SEL1L: variants seen among roughly 807,000 people sequenced by gnomAD.
The protein encoded by SEL1L is protein sel-1 homolog 1.
Under a neutral mutation model 109.8 loss-of-function variants are expected in SEL1L, and 52 were observed. That is an observed-to-expected ratio of 0.47 (90% CI 0.38 to 0.60). SEL1L has a LOEUF of 0.60. SEL1L is among the 20% of genes least tolerant of loss of function. The probability of loss-of-function intolerance (pLI) is 0.00; values close to 1 mark genes in which losing one functional copy is unlikely to be tolerated. For synonymous variants in SEL1L, 373 were observed against 339.6 expected (o/e 1.10, Z -1.08); for missense variants, 749 against 962.2 (o/e 0.78, Z 2.93).
chr14:81,480,320 G>C (rs1197258327), intron 19 of SEL1L, among the ~76,000 whole-genome samples: 4 of 152,106 alleles, frequency 2.6e-5, no homozygotes, highest in African/African-American at 9.7e-5. Context: ...TTCCCGAGTA[G>C]CTGGGACTAC....
intron 1 of SEL1L, among the ~76,000 whole-genome samples, chr14:81,531,724 G>A (rs954286777): frequency 6.6e-6 from 1 of 151,988 alleles, no homozygotes; most frequent in Non-Finnish European, 1.5e-5. Context: ...CTGGAGTTAC[G>A]TAGAGATGGG....
At chr14:81,514,383 A>AT (rs1278756547) in intron 3 of SEL1L, among the ~76,000 whole-genome samples, 6 of 152,210 alleles carry the variant, frequency 3.9e-5, no homozygotes, top group Admixed American at 3.3e-4. Flanking sequence ...TTTTCAGGGC[A>AT]TAACATCTTT....
chr14:81,497,302 A>C (rs1338370786), intron 10 of SEL1L, among the ~76,000 whole-genome samples: 1 of 152,212 alleles, frequency 6.6e-6, no homozygotes, highest in East Asian at 1.9e-4. Context: ...TTGCAAACTT[A>C]GTGGAAAAAA....
At chr14:81,492,587 C>T in intron 11 of SEL1L, 39 bp from the exon 12 acceptor site, 2 of 1,367,570 alleles carry the variant, frequency 1.5e-6, no homozygotes, top group Non-Finnish European at 1.0e-6. Context: ...TAGTTTTTAA[C>T]AGAATCTGCT....
At chr14:81,533,129 G>A (rs1462148651) in intron 1 of SEL1L, among the ~76,000 whole-genome samples, 3 of 152,140 alleles carry the variant, frequency 2.0e-5, no homozygotes, top group African/African-American at 7.2e-5. Context: ...CGCTTTCTCA[G>A]GAAGGTTTCA....
chr14:81,479,856 C>G (rs770484054), intron 19 of SEL1L, 116 bp from the exon 20 acceptor site: 16 of 976,706 alleles, frequency 1.6e-5, no homozygotes, highest in Middle Eastern at 2.8e-4. Context: ...AAATGAGTTT[C>G]CCTCACCTAA....
chr14:81,485,334 G>C (rs530918584), intron 18 of SEL1L, among the ~76,000 whole-genome samples: 141 of 152,242 alleles, frequency 9.3e-4, no homozygotes, highest in Admixed American at 2.0e-3. Context: ...GGAGTGCAGT[G>C]GCATAATCTT....
intron 3 of SEL1L, among the ~76,000 whole-genome samples, chr14:81,519,624 T>C (rs558139142): frequency 2.0e-5 from 3 of 152,266 alleles, no homozygotes; most frequent in African/African-American, 7.2e-5. Context: ...GAGCAGGAAG[T>C]AGTCTCAGTC....
chr14:81,497,837 C>G, intron 10 of SEL1L, 55 bp downstream of exon 10: 15 of 1,524,684 alleles, frequency 9.8e-6, no homozygotes, highest in Non-Finnish European at 1.3e-5. Context: ...CCGTCCCCCA[C>G]AGATTAAAAT....
intron 12 of SEL1L, among the ~76,000 whole-genome samples, chr14:81,491,318 T>TA (rs1883529721): frequency 2.6e-5 from 4 of 152,224 alleles, no homozygotes; most frequent in African/African-American, 9.6e-5. Flanking sequence ...TGGAGAATGA[T>TA]AAAGGGCCAA....
intron 17 of SEL1L, among the ~76,000 whole-genome samples, chr14:81,486,035 T>C (rs1903510765): frequency 6.6e-6 from 1 of 152,232 alleles, no homozygotes; most frequent in South Asian, 2.1e-4. Flanking sequence ...TTGTATCCAC[T>C]GTATTTTGAA....
At chr14:81,492,653 T>C (rs1883591781) in intron 11 of SEL1L, 105 bp from the exon 12 acceptor site, 7 of 732,244 alleles carry the variant, frequency 9.6e-6, no homozygotes, top group Non-Finnish European at 1.6e-5. Context: ...CTTGTTATAT[T>C]ACAGTGCTTT....
chr14:81,511,471 C>T (rs887387472), intron 3 of SEL1L, among the ~76,000 whole-genome samples: 1 of 152,218 alleles, frequency 6.6e-6, no homozygotes, highest in Non-Finnish European at 1.5e-5. Flanking sequence ...GCTTTAAAGA[C>T]ACGTGAGTTT....
At chr14:81,496,076 C>A (rs1035449286) in intron 10 of SEL1L, among the ~76,000 whole-genome samples, 1 of 152,174 alleles carries the variant, frequency 6.6e-6, no homozygotes, top group Non-Finnish European at 1.5e-5. Context: ...GTAATCCCAG[C>A]ACTTTGGGAG....
chr14:81,507,523 G>GT (rs1884286995), intron 3 of SEL1L, among the ~76,000 whole-genome samples: 1 of 151,748 alleles, frequency 6.6e-6, no homozygotes, highest in Non-Finnish European at 1.5e-5. Flanking sequence ...GGAGGAGTAG[G>GT]TTACTGGGTA....
At chr14:81,513,023 T>C (rs886950866) in intron 3 of SEL1L, among the ~76,000 whole-genome samples, 1 of 152,206 alleles carries the variant, frequency 6.6e-6, no homozygotes, top group African/African-American at 2.4e-5. Context: ...GGAGAACTTT[T>C]CTGTCTAGCT....
intron 3 of SEL1L, among the ~76,000 whole-genome samples, chr14:81,523,949 TACAA>T (rs1334804161): frequency 6.6e-5 from 10 of 151,962 alleles, no homozygotes; most frequent in Non-Finnish European, 1.5e-4. Flanking sequence ...ACAAAACAAA[TACAA>T]ACAAACAAAA....
chr14:81,515,334 G>A (rs562723449), intron 3 of SEL1L, among the ~76,000 whole-genome samples: 14 of 152,322 alleles, frequency 9.2e-5, no homozygotes, highest in South Asian at 2.1e-4. Flanking sequence ...GCAAACCTTC[G>A]ATCTCACTTG....
At chr14:81,533,528 A>G (rs1300262527) in intron 1 of SEL1L, 147 bp downstream of exon 1, 3 of 766,592 alleles carry the variant, frequency 3.9e-6, no homozygotes, top group South Asian at 1.7e-5. Flanking sequence ...GCGCAGGCCA[A>G]GCAAAGCCAA....
Sources: allele counts gnomAD v4.1 joint callset (sites outside exome capture counted in the v4.1 genomes callset), GRCh38; gene constraint gnomAD v4.1.1; transcripts MANE v1.5; gene names NCBI Gene and HGNC (gene_info 2026-07-23, HGNC 2026-07-21).